Variants in ANKRD36 observed in about 807,000 individuals in gnomAD.
ANKRD36 encodes the protein ankyrin repeat domain-containing protein 36A.
In ANKRD36, 179 loss-of-function variants were observed where a neutral mutation model predicts 278.1. That is an observed-to-expected ratio of 0.64 (90% CI 0.57 to 0.73). The LOEUF is 0.73. Ranked by LOEUF, ANKRD36 falls within the 30% of genes least tolerant of loss-of-function variation. The pLI, the probability that ANKRD36 is intolerant of heterozygous loss-of-function variation, is 0.00. For synonymous variants in ANKRD36, 320 were observed against 641.1 expected, an observed-to-expected ratio of 0.50 and a Z score of 7.57; for missense variants, 1,159 against 1,956.7, an observed-to-expected ratio of 0.59 and a Z score of 7.69.
intron 42 of ANKRD36, among the ~76,000 whole-genome samples, chr2:97,197,696 T>C (rs1474970888): frequency 6.6e-6 from 1 of 151,946 alleles, no homozygotes; most frequent in Non-Finnish European, 1.5e-5. Flanking sequence ...GATTTCTGAA[T>C]GAAAAACTGA....
intron 1 of ANKRD36, among the ~76,000 whole-genome samples, chr2:97,117,137 T>C (rs558021989): frequency 6.6e-6 from 1 of 151,800 alleles, no homozygotes; most frequent in Non-Finnish European, 1.5e-5. Context: ...CTTATGACAC[T>C]CTCAAATACT....
Position 97,185,525 on chromosome 2 carries a change from C to G in ANKRD36, c.2041+15C>G. ...GTGTGGGACAGGTAATTTTGCAAAA[C>G]ACATTTAATGTCATGTTCAGTCCAG... On this transcript the variant is annotated intron_variant, in intron 30 of 75. Transcript: ENST00000420699. 1.2e-6 allele frequency: 2 copies of G among 1,608,260 alleles called. No homozygotes were observed. Among genetic ancestry groups the G allele is most frequent in the African/African-American group, 1.3e-5 (1 of 74,752 alleles).
intron 28 of ANKRD36, among the ~76,000 whole-genome samples, chr2:97,184,571 T>C (rs1171823371): frequency 6.6e-6 from 1 of 151,706 alleles, no homozygotes; most frequent in Non-Finnish European, 1.5e-5. Context: ...TGTAAAAGCT[T>C]ATTAATATCT....
intron 38 of ANKRD36, among the ~76,000 whole-genome samples, chr2:97,193,990 C>T (rs554415640): frequency 6.6e-6 from 1 of 151,528 alleles, no homozygotes; most frequent in Non-Finnish European, 1.5e-5. Flanking sequence ...ATGCTTGTAG[C>T]CATTTTACTT....
intron 64 of ANKRD36, 127 bp from the exon 65 acceptor site, chr2:97,218,923 T>A (rs1400701064): frequency 3.6e-6 from 5 of 1,404,742 alleles, no homozygotes; most frequent in Non-Finnish European, 4.7e-6. Context: ...AGAAACAAAC[T>A]AGAAAAATAT....
Position 97,204,492 on chromosome 2 carries a change from T to G in ANKRD36, c.3061+229T>G, listed in dbSNP as rs187722603. Reference sequence around the variant, plus strand: ...ACATTGAAATTGGGAAGAAGAAATATGGAGAGCAGTTCAAGGCATAAGGGG... The same window carrying G: ...ACATTGAAATTGGGAAGAAGAAATAGGGAGAGCAGTTCAAGGCATAAGGGG... On this transcript the variant is annotated intron_variant, in intron 50 of 75. Transcript: ENST00000420699. Among the ~76,000 whole-genome samples, 561 of 151,562 alleles carry G rather than the reference T, an allele frequency of 3.7e-3. 2 individuals are homozygous for G. In the East Asian group the frequency reaches 0.057, roughly 15 times the overall value.
rs1480481483 is a variant in ANKRD36, at chr2:97,149,326, C to T, written c.1066C>T (p.Pro356Ser). ...SLYRPDAVAQ[P>S]VTENEFSLES... ...CTACAGACCTGATGCTGTTGCACAG[C>T]CTGTGACAGAGAATGAGTTTTCTTT... Residue 356 changes from proline (P) to serine (S), a missense_variant, in exon 12 of 76, where the codon CCT becomes TCT. Physicochemically the swap from Pro to Ser is moderately conservative, Grantham distance 74. Coordinates refer to ENST00000420699, the MANE Select transcript of ANKRD36 (RefSeq NM_001354587.1). 1.5e-5 allele frequency: 23 copies of T among 1,533,694 alleles called. No homozygotes were observed. Among genetic ancestry groups the T allele is most frequent in the African/African-American group, 2.7e-5 (2 of 72,872 alleles).
intron 38 of ANKRD36, among the ~76,000 whole-genome samples, chr2:97,194,496 A>T (rs1176947548): frequency 6.6e-6 from 1 of 151,582 alleles, no homozygotes; most frequent in Non-Finnish European, 1.5e-5. Flanking sequence ...CTTTCGACAC[A>T]TAAAAAATCA....
intron 42 of ANKRD36, among the ~76,000 whole-genome samples, chr2:97,198,235 G>A (rs2060345005): frequency 1.3e-5 from 2 of 152,018 alleles, no homozygotes; most frequent in African/African-American, 2.4e-5. Context: ...TTTGGCATAT[G>A]ACAAATCATA....
At chr2:97,202,570 C>A (rs2061685401) in intron 48 of ANKRD36, among the ~76,000 whole-genome samples, 177 bp downstream of exon 48, 1 of 151,772 alleles carries the variant, frequency 6.6e-6, no homozygotes, top group Non-Finnish European at 1.5e-5. Context: ...GGAACATGAT[C>A]TTCGCTGTAA....
intron 24 of ANKRD36, among the ~76,000 whole-genome samples, chr2:97,181,027 T>G (rs771490871): frequency 9.9e-5 from 15 of 151,676 alleles, no homozygotes; most frequent in Admixed American, 9.2e-4. Context: ...TTACACCACA[T>G]GGGTGTGAGA....
chr2:97,187,100 C>A, intron 30 of ANKRD36, 98 bp from the exon 31 acceptor site: 7 of 1,569,262 alleles, frequency 4.5e-6, no homozygotes, highest in Non-Finnish European at 6.0e-6. Context: ...TACACTAATA[C>A]AGGCAGGCGG....
chr2:97,113,503 C>G lies in ANKRD36; in HGVS notation c.-237C>G, dbSNP rs1174474717. The stretch of plus-strand genomic sequence containing the variant: ...GCAACCGCCGCCTGCACTGGGCGCG[C>G]GAGAGCTGCTAGGGCGGTTTCTCTG... On this transcript the variant is annotated 5_prime_UTR_variant, in exon 1 of 76. Transcript: ENST00000420699. 7.2e-6 allele frequency: 4 copies of G among 559,296 alleles called. No homozygotes were observed. The highest frequency in any genetic ancestry group is 4.7e-5 in the South Asian group (2 of 42,790). The allele number at this position is 559,296 out of a possible 1,614,324, so 34.6% of individuals were successfully genotyped here.
At chr2:97,201,034 T>G (rs2061238422) in intron 46 of ANKRD36, among the ~76,000 whole-genome samples, 1 of 151,890 alleles carries the variant, frequency 6.6e-6, no homozygotes. Context: ...AATTTTGTGG[T>G]TACTGCTGAG....
In ANKRD36 at chr2:97,151,866, GTTTTTCT is replaced by G; in HGVS notation, c.1102-11_1102-5del. On this transcript the variant is annotated splice_region_variant and splice_polypyrimidine_tract_variant and intron_variant, in intron 12 of 75. Coordinates refer to ENST00000420699, the MANE Select transcript of ANKRD36 (RefSeq NM_001354587.1). ...TCCATGTTATTCTTAAACCTATTGT[GTTTTTCT>G]TCTAGATTATTTCAAAACTATACAT... 7.4e-7 allele frequency: 1 copy of G among 1,347,758 alleles called. No individual in the cohort carries two copies. Among genetic ancestry groups the G allele is most frequent in the East Asian group, 2.5e-5 (1 of 39,402 alleles). 83.5% of individuals were successfully genotyped at this position (1,347,758 alleles called of 1,614,324 possible). A position where few individuals can be genotyped will look rare whatever the true frequency, so the allele number is the denominator to read the frequency against.
At chr2:97,157,641 G>A (rs1352146702) in intron 15 of ANKRD36, among the ~76,000 whole-genome samples, 4 of 143,422 alleles carry the variant, frequency 2.8e-5, no homozygotes, top group Non-Finnish European at 4.5e-5. Flanking sequence ...CAGAATAGAA[G>A]CAACTTACAC....
At chr2:97,173,686 G>A (rs1188404412) in intron 22 of ANKRD36, among the ~76,000 whole-genome samples, 2 of 151,758 alleles carry the variant, frequency 1.3e-5, no homozygotes. Flanking sequence ...TTGGGCAGGT[G>A]TAAACAAAGA....
chr2:97,205,865 C>G lies in ANKRD36; in HGVS notation c.3062-75C>G, dbSNP rs1205504658. ...ACAGGCAGGAGGACAGAGGTTGATG[C>G]TAACTCTGCTTGAATGTATGGATAT... On this transcript the variant is annotated intron_variant, in intron 50 of 75. Transcript: ENST00000420699. 9 of 1,479,612 alleles carry G rather than the reference C, an allele frequency of 6.1e-6. 1 individual carries two copies. The Admixed American group carries it at 1.2e-4, about 19-fold the overall frequency. 91.7% of individuals were successfully genotyped at this position (1,479,612 alleles called of 1,614,324 possible). A position where few individuals can be genotyped will look rare whatever the true frequency, so the allele number is the denominator to read the frequency against.
chr2:97,188,257 T>G (rs528085212), intron 32 of ANKRD36, among the ~76,000 whole-genome samples: 1 of 151,774 alleles, frequency 6.6e-6, no homozygotes, highest in Non-Finnish European at 1.5e-5. Context: ...ACAAAAATTA[T>G]GTTGAATTCT....
Sources: allele counts gnomAD v4.1 joint callset (sites outside exome capture counted in the v4.1 genomes callset), GRCh38; gene constraint gnomAD v4.1.1; transcripts MANE v1.5; gene names NCBI Gene and HGNC (gene_info 2026-07-23, HGNC 2026-07-21).